ADH4: variants seen among roughly 807,000 people sequenced by gnomAD.
ADH4 encodes alcohol dehydrogenase 4 (class II), pi polypeptide, also known as all-trans-retinol dehydrogenase [NAD(+)] ADH4.
In ADH4, 31 loss-of-function variants were observed where a neutral mutation model predicts 35.2. That is an observed-to-expected ratio of 0.88 (90% CI 0.66 to 1.19). The LOEUF is 1.19. Among genes scored for constraint, ADH4 ranks in the 50% most tolerant of loss-of-function variants. The pLI, the probability that ADH4 is intolerant of heterozygous loss-of-function variation, is 0.00. For synonymous variants in ADH4, 171 were observed against 160.2 expected, an observed-to-expected ratio of 1.07 and a Z score of -0.51; for missense variants, 476 against 458.3, an observed-to-expected ratio of 1.04 and a Z score of -0.35.
chr4:99,138,338 G>A (rs918938362), intron 4 of ADH4, among the ~76,000 whole-genome samples: 16 of 152,184 alleles, frequency 1.1e-4, no homozygotes, highest in Non-Finnish European at 2.4e-4. Context: ...AGTAATAGAT[G>A]TAAGAGTAGT....
intron 1 of ADH4, chr4:99,143,082 G>C: frequency 1.4e-6 from 1 of 694,224 alleles, no homozygotes; most frequent in African/African-American, 1.8e-5. Context: ...CTATAACAGA[G>C]AGAATAGATT....
intron 5 of ADH4, among the ~76,000 whole-genome samples, chr4:99,135,848 A>G (rs1729417350): frequency 2.6e-5 from 4 of 152,224 alleles, no homozygotes; most frequent in South Asian, 2.1e-4. Flanking sequence ...GAGATGTCCA[A>G]TTGTGAGATC....
Position 99,127,203 on chromosome 4 carries a change from AC to A in ADH4, c.979+5del. On this transcript the variant is annotated splice_donor_5th_base_variant and intron_variant, in intron 7 of 8. Coordinates refer to ENST00000265512, the MANE Select transcript of ADH4 (RefSeq NM_000670.5). ...ATTTAAAGCTATGAAGAAAAAAAAA[AC>A]TGACCACCAAAGAATGTTCCATTTA... 1 of 1,586,750 alleles carries A rather than the reference AC, an allele frequency of 6.3e-7. No homozygotes were observed. The highest frequency in any genetic ancestry group is 1.2e-5 in the South Asian group (1 of 84,824).
chr4:99,126,624 T>C lies in ADH4; in HGVS notation c.1088A>G (p.Glu363Gly). Reference protein sequence around the residue: ...THTLPFDKISEAFDLMNQGKS... With the variant: ...THTLPFDKISGAFDLMNQGKS... ...TCCTTGGTTCATTAGGTCAAATGCCTCACTGATTTTGTCAAAAGGCAGGGT... is the reference window on the plus strand; with the variant it reads ...TCCTTGGTTCATTAGGTCAAATGCCCCACTGATTTTGTCAAAAGGCAGGGT... Residue 363 changes from glutamate (E) to glycine (G), a missense_variant, in exon 8 of 9, where the codon GAG (glutamate) becomes GGG (glycine). By Grantham distance (98) the Glu-to-Gly change is moderately conservative (BLOSUM62 -2). Transcript: ENST00000265512. The C allele has an allele frequency of 6.2e-7, 1 of 1,608,754 alleles. No homozygotes were observed. The highest frequency in any genetic ancestry group is 8.5e-7 in the Non-Finnish European group (1 of 1,176,292).
In ADH4 at chr4:99,141,681, A is replaced by T. The variant is rs370952138; in HGVS notation, c.122T>A (p.Ile41Asn). The change falls in exon 3 of 9, where the codon ATC becomes AAC. Residue 41 changes from isoleucine to asparagine, a missense_variant and splice_region_variant. By Grantham distance (149) the Ile-to-Asn change is moderately radical. Transcript: ENST00000265512. ...PPKAHEVRIQ[I>N]IATSLCHTDA... ...AGTATGGCACAGAGAGGTAGCAATG[A>T]TCTACAAGGCAATCACAGACTTTAA... 1.2e-6 allele frequency: 2 copies of T among 1,613,188 alleles called. No individual in the cohort carries two copies. Among genetic ancestry groups the T allele is most frequent in the Non-Finnish European group, 1.7e-6 (2 of 1,179,632 alleles).
chr4:99,134,421 TA>T (rs1729375123), intron 5 of ADH4, among the ~76,000 whole-genome samples: 1 of 152,110 alleles, frequency 6.6e-6, no homozygotes. Context: ...CATAAATGTA[TA>T]AATTTTTTTC....
chr4:99,138,474 A>G (rs1729514646), intron 4 of ADH4, among the ~76,000 whole-genome samples: 2 of 152,208 alleles, frequency 1.3e-5, no homozygotes, highest in South Asian at 4.1e-4. Flanking sequence ...TGCCGGGGTT[A>G]AAAACCTGGC....
rs1729254479 is a variant in ADH4, at chr4:99,131,038, C to A, written c.843+466G>T. Among the ~76,000 whole-genome samples, 6 of 152,170 alleles carry A rather than the reference C, an allele frequency of 3.9e-5. No individual in the cohort carries two copies. The South Asian group carries it at 1.2e-3, about 32-fold the overall frequency. ...CCTTTATATCTTTGGCTAAAGAATG[C>A]TGTCTAGTTAATGCACTTGTCATTT... is the stretch of plus-strand genomic sequence containing the variant. On this transcript the variant is annotated intron_variant, in intron 6 of 8. Coordinates refer to ENST00000265512, the MANE Select transcript of ADH4 (RefSeq NM_000670.5).
chr4:99,139,688 C>G (rs1169825846), intron 3 of ADH4, among the ~76,000 whole-genome samples: 2 of 152,172 alleles, frequency 1.3e-5, no homozygotes, highest in Non-Finnish European at 2.9e-5. Context: ...ATACCACGCA[C>G]CATTATAACT....
At chr4:99,125,177 G>A (rs1729046496) in intron 8 of ADH4, among the ~76,000 whole-genome samples, 2 of 152,130 alleles carry the variant, frequency 1.3e-5, no homozygotes, top group African/African-American at 4.8e-5. Flanking sequence ...CAGTTGGGTG[G>A]TAGGAGGGCC....
chr4:99,137,129 A>G (rs1274199378), intron 4 of ADH4, among the ~76,000 whole-genome samples: 5 of 21,826 alleles, frequency 2.3e-4, no homozygotes, highest in African/African-American at 5.2e-4. Flanking sequence ...TTGTATTATT[A>G]TTATTATTTT....
At position 99,144,244 on chromosome 4, in the gene ADH4, G is replaced by A. The variant is rs759320233; in HGVS notation, c.-22C>T. On this transcript the variant is annotated 5_prime_UTR_variant, in exon 1 of 9. Transcript: ENST00000265512. The stretch of plus-strand genomic sequence containing the variant: ...CCATTTTTCTTTGGGAAACTGTGTT[G>A]GAAGTTTCTTTCTGAGTTAAGAAAG... The A allele has an allele frequency of 1.1e-5, 18 of 1,611,974 alleles. No homozygotes were observed. The highest frequency in any genetic ancestry group is 2.2e-5 in the East Asian group (1 of 44,834).
intron 5 of ADH4, among the ~76,000 whole-genome samples, chr4:99,132,286 C>T (rs1224919830): frequency 2.6e-5 from 4 of 152,196 alleles, no homozygotes; most frequent in African/African-American, 7.2e-5. Flanking sequence ...ATTCCCAGTA[C>T]AAGAACTGCG....
In ADH4 at chr4:99,136,551, A is replaced by C; in HGVS notation, c.497T>G (p.Ile166Arg). The C allele has an allele frequency of 1.2e-6, 2 of 1,614,178 alleles. No individual in the cohort carries two copies. Among genetic ancestry groups the C allele is most frequent in the Non-Finnish European group, 1.7e-6 (2 of 1,180,034 alleles). Residue 166 changes from isoleucine (I) to arginine (R), a missense_variant, in exon 5 of 9, where the codon ATA becomes AGA. Ile to Arg is a moderately conservative substitution (Grantham distance 97). Transcript: ENST00000265512. ...TCTCTCTAAATTTGCATCATCATCT[A>C]TTTTGGCAAGATTGATATCTGACAC... is the stretch of plus-strand genomic sequence containing the variant. Reference protein sequence around the residue: ...TVVSDINLAKIDDDANLERVC... With the variant: ...TVVSDINLAKRDDDANLERVC...
chr4:99,141,595 C>A lies in ADH4; in HGVS notation c.208G>T (p.Glu70Ter). ...GLAFPVIVGH[E>*]AAGIVESIGP... ...ATACTTTCCACAATACCTGCAGCCT[C>A]ATGGCCAACGATCACTGGGAAAGCT... is the stretch of plus-strand genomic sequence containing the variant. Residue 70 changes from glutamate to a stop codon, truncating the protein, a stop_gained, in exon 3 of 9, where the codon GAG becomes TAG. Transcript: ENST00000265512. LOFTEE classifies it high-confidence loss of function. 6.2e-7 allele frequency: 1 copy of A among 1,614,034 alleles called. No individual in the cohort carries two copies. The highest frequency in any genetic ancestry group is 8.5e-7 in the Non-Finnish European group (1 of 1,180,000).
At chr4:99,141,161 A>G (rs1321849811) in intron 3 of ADH4, among the ~76,000 whole-genome samples, 1 of 152,146 alleles carries the variant, frequency 6.6e-6, no homozygotes, top group East Asian at 1.9e-4. Context: ...CTGTTCCTAC[A>G]ATAGTTTGCT....
At chr4:99,128,944 C>T (rs1438263362) in intron 6 of ADH4, among the ~76,000 whole-genome samples, 4 of 151,920 alleles carry the variant, frequency 2.6e-5, no homozygotes, top group Admixed American at 6.6e-5. Context: ...GTACTATAGG[C>T]GTGTGCCACT....
chr4:99,133,896 G>A (rs1473986054), intron 5 of ADH4: 1 of 152,050 alleles, frequency 6.6e-6, no homozygotes, highest in African/African-American at 2.4e-5. Context: ...TATTAGGTAT[G>A]CACACCTCTG....
chr4:99,127,194 A>T lies in ADH4; in HGVS notation c.979+15T>A. The T allele has an allele frequency of 6.6e-7, 1 of 1,514,896 alleles. No individual in the cohort carries two copies. The highest frequency in any genetic ancestry group is 1.3e-5 in the South Asian group (1 of 79,670). 93.8% of individuals were successfully genotyped at this position (1,514,896 alleles called of 1,614,324 possible). A position where few individuals can be genotyped will look rare whatever the true frequency, so the allele number is the denominator to read the frequency against. On this transcript the variant is annotated intron_variant, in intron 7 of 8. Coordinates refer to ENST00000265512, the MANE Select transcript of ADH4 (RefSeq NM_000670.5). ...AGGAAAAGAATTTAAAGCTATGAAG[A>T]AAAAAAAAACTGACCACCAAAGAAT...
Sources: allele counts gnomAD v4.1 joint callset (sites outside exome capture counted in the v4.1 genomes callset), GRCh38; gene constraint gnomAD v4.1.1; transcripts MANE v1.5; gene names NCBI Gene and HGNC (gene_info 2026-07-23, HGNC 2026-07-21).